Variants in SHB observed in about 807,000 individuals in gnomAD.
SHB encodes SH2 domain-containing adapter protein B.
SHB carries 20 observed loss-of-function variants against 52.3 expected under a neutral mutation model. The observed-to-expected ratio is 0.38, with a 90% CI of 0.27 to 0.56. The LOEUF is 0.56. Among genes scored for constraint, SHB ranks in the 20% least tolerant of loss-of-function variants. The pLI is 0.71. For missense variants in SHB, 825 were observed against 723.3 expected (o/e 1.14, Z -1.61); for synonymous variants, 397 against 316.5 (o/e 1.25, Z -2.70).
At chr9:38,023,050 G>C (rs1821300687) in intron 1 of SHB, among the ~76,000 whole-genome samples, 1 of 152,236 alleles carries the variant, frequency 6.6e-6, no homozygotes, top group Admixed American at 6.5e-5. Flanking sequence ...TGGCTTTAAG[G>C]ACTGGCTAAG....
intron 1 of SHB, among the ~76,000 whole-genome samples, chr9:38,024,188 G>C (rs946444240): frequency 2.0e-5 from 3 of 152,240 alleles, no homozygotes; most frequent in Non-Finnish European, 4.4e-5. Context: ...CAGGGGCAGG[G>C]AGCTCATGAT....
At chr9:38,064,402 A>G (rs540530418) in intron 1 of SHB, among the ~76,000 whole-genome samples, 13 of 152,296 alleles carry the variant, frequency 8.5e-5, no homozygotes, top group African/African-American at 2.9e-4. Flanking sequence ...CAGCTGCATG[A>G]AAGTGCTGCT....
intron 1 of SHB, among the ~76,000 whole-genome samples, chr9:38,059,364 C>T (rs1378024556): frequency 6.6e-6 from 1 of 152,006 alleles, no homozygotes; most frequent in East Asian, 1.9e-4. Context: ...CTCTAATTCT[C>T]TCTCCATCCC....
intron 2 of SHB, among the ~76,000 whole-genome samples, chr9:38,007,423 T>A (rs570242281): frequency 1.3e-5 from 2 of 152,310 alleles, no homozygotes; most frequent in South Asian, 2.1e-4. Flanking sequence ...GAATCAGCTA[T>A]CCCTATGCAG....
chr9:38,064,981 C>T (rs982101064), intron 1 of SHB, among the ~76,000 whole-genome samples: 1 of 152,060 alleles, frequency 6.6e-6, no homozygotes, highest in Non-Finnish European at 1.5e-5. Flanking sequence ...ATTAGCCAGG[C>T]GTGACAGTAC....
Position 37,948,654 on chromosome 9 carries a change from C to T in SHB, c.1327G>A (p.Asp443Asn), listed in dbSNP as rs769057160. 9 of 1,613,638 alleles carry T rather than the reference C, an allele frequency of 5.6e-6. No homozygotes were observed. The highest frequency in any genetic ancestry group is 3.3e-5 in the Admixed American group (2 of 59,996). Residue 443 changes from aspartate (D) to asparagine (N), a missense_variant, in exon 5 of 6, where the codon GAC (aspartate) becomes AAC (asparagine). By Grantham distance (23) the Asp-to-Asn change is conservative. Coordinates refer to ENST00000377707, the MANE Select transcript of SHB (RefSeq NM_003028.3). ...LVRNSQTSKH[D>N]YSLSLRSNQG... ...ACTCACCTCAGGGAGAGGGAGTAGTCATGCTTGCTGGTCTGGCTGTTCCGG... is the reference window on the plus strand; with the variant it reads ...ACTCACCTCAGGGAGAGGGAGTAGTTATGCTTGCTGGTCTGGCTGTTCCGG...
intron 1 of SHB, among the ~76,000 whole-genome samples, chr9:38,061,643 A>G (rs1002992350): frequency 6.6e-6 from 1 of 152,174 alleles, no homozygotes; most frequent in African/African-American, 2.4e-5. Context: ...CTCTGGGGGC[A>G]AAGAGAGGAT....
At chr9:37,936,795 C>G (rs938281969) in intron 5 of SHB, 2 of 152,100 alleles carry the variant, frequency 1.3e-5, no homozygotes, top group Admixed American at 1.3e-4. Flanking sequence ...GAAACAAAAA[C>G]TGGGTGACAT....
chr9:37,935,285 C>T (rs1184174809), intron 5 of SHB, among the ~76,000 whole-genome samples: 1 of 152,198 alleles, frequency 6.6e-6, no homozygotes, highest in Non-Finnish European at 1.5e-5. Context: ...CTGCAGACGC[C>T]TGTTCAAGCT....
intron 1 of SHB, among the ~76,000 whole-genome samples, chr9:38,017,303 T>C (rs924155286): frequency 7.2e-5 from 11 of 152,124 alleles, no homozygotes; most frequent in African/African-American, 2.7e-4. Context: ...TCTCAACCCT[T>C]GGGGTTACAT....
intron 2 of SHB, among the ~76,000 whole-genome samples, chr9:37,997,891 G>A (rs879590906): frequency 2.0e-5 from 3 of 152,222 alleles, no homozygotes; most frequent in South Asian, 2.1e-4. Context: ...AGGCCCTGGG[G>A]GCCTGAGGCC....
At position 37,948,769 on chromosome 9, in the gene SHB, G is replaced by C. The variant is rs771753138; in HGVS notation, c.1227-15C>G. 6.2e-7 allele frequency: 1 copy of C among 1,613,510 alleles called. No homozygotes were observed. Among genetic ancestry groups the C allele is most frequent in the East Asian group, 2.2e-5 (1 of 44,876 alleles). Reference sequence around the variant, plus strand: ...CGTGATACCATCTGTGGAGAGGGCAGAGAGTGGTCAGAGCCCAGCGCGATG... The same window carrying C: ...CGTGATACCATCTGTGGAGAGGGCACAGAGTGGTCAGAGCCCAGCGCGATG... On this transcript the variant is annotated splice_polypyrimidine_tract_variant and intron_variant, in intron 4 of 5. Coordinates refer to ENST00000377707, the MANE Select transcript of SHB (RefSeq NM_003028.3).
intron 3 of SHB, among the ~76,000 whole-genome samples, chr9:37,961,506 G>A (rs540349790): frequency 2.6e-5 from 4 of 152,210 alleles, no homozygotes; most frequent in Non-Finnish European, 4.4e-5. Flanking sequence ...TCATTCTGGC[G>A]CTCAAGTTCC....
At chr9:38,021,481 A>T (rs759083361) in intron 1 of SHB, among the ~76,000 whole-genome samples, 13 of 151,492 alleles carry the variant, frequency 8.6e-5, no homozygotes, top group Non-Finnish European at 1.6e-4. Context: ...CCTATCCAAC[A>T]TATAGTGAAA....
intron 3 of SHB, among the ~76,000 whole-genome samples, chr9:37,973,894 G>A (rs566627510): frequency 2.6e-5 from 4 of 152,282 alleles, no homozygotes; most frequent in South Asian, 4.1e-4. Context: ...CAATGGGCCC[G>A]CTGAGGGCCA....
chr9:38,048,310 T>C (rs987344496), intron 1 of SHB, among the ~76,000 whole-genome samples: 1 of 152,218 alleles, frequency 6.6e-6, no homozygotes, highest in Non-Finnish European at 1.5e-5. Context: ...TGGAAAAGAA[T>C]ACAAATATTC....
chr9:37,918,016 C>T lies in SHB; in HGVS notation c.*1805G>A, dbSNP rs569090906. Among the ~76,000 whole-genome samples the T allele has an allele frequency of 5.3e-5, 8 of 152,356 alleles. No individual in the cohort carries two copies. Among genetic ancestry groups the T allele is most frequent in the South Asian group, 4.1e-4 (2 of 4,830 alleles). ...GTGGCCTTGGCGAGTCCTCCTTCTC[C>T]GGGCCTGTGTCTCTGCATGTGAACA... is the stretch of plus-strand genomic sequence containing the variant. On this transcript the variant is annotated 3_prime_UTR_variant, in exon 6 of 6. Coordinates refer to ENST00000377707, the MANE Select transcript of SHB (RefSeq NM_003028.3).
At chr9:38,022,659 AC>A (rs771847780) in intron 1 of SHB, among the ~76,000 whole-genome samples, 2 of 152,204 alleles carry the variant, frequency 1.3e-5, no homozygotes, top group Non-Finnish European at 2.9e-5. Context: ...CCTGATGTCC[AC>A]AGGAAGGAGG....
intron 2 of SHB, among the ~76,000 whole-genome samples, chr9:37,980,634 A>ATCTTCC (rs1185988246): frequency 6.6e-6 from 1 of 152,168 alleles, no homozygotes; most frequent in Non-Finnish European, 1.5e-5. Flanking sequence ...AGAACAGTAA[A>ATCTTCC]TCTTCCCCAG....
Sources: gnomAD v4.1 joint callset for allele counts (sites outside exome capture counted in the v4.1 genomes callset) on GRCh38, gnomAD v4.1.1 for gene constraint, MANE v1.5 for transcripts, NCBI Gene and HGNC (gene_info 2026-07-23, HGNC 2026-07-21) for gene names.